Variants in EPHB1 observed in about 807,000 individuals in gnomAD.
The protein encoded by EPHB1 is EPH receptor B1.
A neutral mutation model predicts 94.4 loss-of-function variants in EPHB1; 30 were observed. That is an observed-to-expected ratio of 0.32 (90% CI 0.24 to 0.43). EPHB1 has a LOEUF of 0.43. Among genes scored for constraint, EPHB1 ranks in the 20% least tolerant of loss-of-function variants. The pLI is 1.00. For missense variants in EPHB1, 1,055 were observed against 1,308.3 expected (o/e 0.81, Z 2.99); for synonymous variants, 522 against 489.1 (o/e 1.07, Z -0.89).
intron 9 of EPHB1, among the ~76,000 whole-genome samples, chr3:135,174,680 A>G (rs1205645000): frequency 6.6e-6 from 1 of 152,212 alleles, no homozygotes; most frequent in Non-Finnish European, 1.5e-5. Flanking sequence ...AAAAGGGTTG[A>G]TCAACATACT....
At chr3:135,142,651 G>C (rs1372947215) in intron 5 of EPHB1, among the ~76,000 whole-genome samples, 1 of 152,158 alleles carries the variant, frequency 6.6e-6, no homozygotes, top group East Asian at 1.9e-4. Context: ...ATTTAGACTT[G>C]TGATTTTGAA....
intron 3 of EPHB1, among the ~76,000 whole-genome samples, chr3:134,993,095 C>T (rs1934869113): frequency 6.6e-6 from 1 of 152,204 alleles, no homozygotes; most frequent in Non-Finnish European, 1.5e-5. Flanking sequence ...TGATGTCCTG[C>T]CTGGTTGGAA....
At position 135,132,827 on chromosome 3, in the gene EPHB1, A is replaced by G; in HGVS notation, c.1075A>G (p.Ile359Val). The change falls in exon 5 of 16, where the codon ATC becomes GTC. Residue 359 changes from isoleucine to valine, a missense_variant. Coordinates refer to ENST00000398015, the MANE Select transcript of EPHB1 (RefSeq NM_004441.5). ...GCGGGATGATGTGACCTACAACATC[A>G]TCTGCAAAAAGTGCCGGGCAGACCG... ...GGRDDVTYNI[I>V]CKKCRADRRS... is the part of the protein sequence containing the mutation. The G allele has an allele frequency of 6.2e-7, 1 of 1,614,052 alleles. No individual in the cohort carries two copies. Among genetic ancestry groups the G allele is most frequent in the Non-Finnish European group, 8.5e-7 (1 of 1,179,902 alleles).
intron 1 of EPHB1, among the ~76,000 whole-genome samples, chr3:134,868,947 G>A (rs140393986): frequency 6.6e-6 from 1 of 152,376 alleles, no homozygotes; most frequent in African/African-American, 2.4e-5. Context: ...TGCAGGGCCT[G>A]ATAAGCTCTT....
chr3:134,903,812 C>T (rs2038256551), intron 1 of EPHB1, among the ~76,000 whole-genome samples: 2 of 152,166 alleles, frequency 1.3e-5, no homozygotes, highest in African/African-American at 4.8e-5. Context: ...TGTTCTAAAG[C>T]TGGTTATTAT....
chr3:135,246,595 G>A (rs1446459845), intron 13 of EPHB1, among the ~76,000 whole-genome samples: 2 of 152,158 alleles, frequency 1.3e-5, no homozygotes, highest in East Asian at 1.9e-4. Context: ...TTTGCTAGAT[G>A]TGTGCCCCTG....
intron 3 of EPHB1, among the ~76,000 whole-genome samples, chr3:135,049,490 C>T (rs1937104211): frequency 6.6e-6 from 1 of 152,186 alleles, no homozygotes; most frequent in Non-Finnish European, 1.5e-5. Context: ...TGCACCTGTC[C>T]TCTCCCTGTG....
chr3:135,080,572 AG>A (rs1232409365), intron 3 of EPHB1, among the ~76,000 whole-genome samples: 1 of 151,658 alleles, frequency 6.6e-6, no homozygotes, highest in African/African-American at 2.4e-5. Context: ...CCTGGAGGAG[AG>A]GGGGGACAGC....
chr3:134,978,864 G>T (rs1243663660), intron 3 of EPHB1, among the ~76,000 whole-genome samples: 1 of 152,218 alleles, frequency 6.6e-6, no homozygotes, highest in Non-Finnish European at 1.5e-5. Flanking sequence ...GAATAAGAGA[G>T]CATTGTGGGA....
chr3:134,863,140 T>G (rs1003606804), intron 1 of EPHB1, among the ~76,000 whole-genome samples: 30 of 152,222 alleles, frequency 2.0e-4, no homozygotes, highest in African/African-American at 7.0e-4. Context: ...CTGCCTCTAT[T>G]TTCTGCCACA....
At chr3:135,037,074 G>C (rs182320907) in intron 3 of EPHB1, among the ~76,000 whole-genome samples, 6 of 152,164 alleles carry the variant, frequency 3.9e-5, no homozygotes, top group Admixed American at 3.9e-4. Context: ...TCTTGACCTG[G>C]GATATCGCCA....
rs1194584788 is a variant in EPHB1 at position 135,257,796 on chromosome 3, G to A, written c.2847-1216G>A. 3.9e-5 allele frequency among the ~76,000 whole-genome samples: 6 copies of A among 152,086 alleles called. No homozygotes were observed. The East Asian group carries it at 1.2e-3, about 29-fold the overall frequency. Reference sequence around the variant, plus strand: ...CCTAAGCAAGCCTGGGCAATGGTGGGCGCCCCTCCCCCAGCCTGGCTGCTG... The same window carrying A: ...CCTAAGCAAGCCTGGGCAATGGTGGACGCCCCTCCCCCAGCCTGGCTGCTG... On this transcript the variant is annotated intron_variant, in intron 15 of 15. Transcript: ENST00000398015.
At chr3:135,241,585 G>C (rs747519063) in intron 13 of EPHB1, among the ~76,000 whole-genome samples, 34 of 152,212 alleles carry the variant, frequency 2.2e-4, no homozygotes, top group South Asian at 1.0e-3. Flanking sequence ...ACCATGAATA[G>C]ATCAGCCCCA....
intron 1 of EPHB1, among the ~76,000 whole-genome samples, chr3:134,861,211 G>A (rs1221548947): frequency 1.3e-5 from 2 of 152,150 alleles, no homozygotes; most frequent in Non-Finnish European, 2.9e-5. Flanking sequence ...TGGGGGGCAG[G>A]AAATATGAAG....
At chr3:135,226,282 T>C (rs11917038) in intron 12 of EPHB1, among the ~76,000 whole-genome samples, 107,527 of 152,150 alleles carry the variant, frequency 0.71, 39,788 homozygotes, top group Middle Eastern at 0.88. Flanking sequence ...CCACACTCCT[T>C]ATGTCCCTGC....
chr3:135,095,989 C>A (rs1938744505), intron 3 of EPHB1, among the ~76,000 whole-genome samples: 1 of 152,196 alleles, frequency 6.6e-6, no homozygotes, highest in Non-Finnish European at 1.5e-5. Context: ...GTCTGTCTTC[C>A]TCCACCAGGA....
chr3:135,152,609 TA>T (rs1941227423), intron 5 of EPHB1, among the ~76,000 whole-genome samples: 1 of 151,842 alleles, frequency 6.6e-6, no homozygotes, highest in African/African-American at 2.4e-5. Flanking sequence ...GAGGATTGGG[TA>T]GGGTAGGAAG....
At chr3:135,189,719 G>T (rs1942410330) in intron 10 of EPHB1, among the ~76,000 whole-genome samples, 1 of 152,202 alleles carries the variant, frequency 6.6e-6, no homozygotes, top group Non-Finnish European at 1.5e-5. Context: ...CACTGAGGTA[G>T]AACAGAAGTT....
chr3:134,956,313 C>T (rs1933271673), intron 3 of EPHB1, among the ~76,000 whole-genome samples: 1 of 152,086 alleles, frequency 6.6e-6, no homozygotes, highest in African/African-American at 2.4e-5. Flanking sequence ...TGAGTGCTGC[C>T]TGAGGGCTTG....
Sources: allele counts gnomAD v4.1 joint callset (sites outside exome capture counted in the v4.1 genomes callset), GRCh38; gene constraint gnomAD v4.1.1; transcripts MANE v1.5; gene names NCBI Gene and HGNC (gene_info 2026-07-23, HGNC 2026-07-21).